SKAP1: variants seen among roughly 807,000 people sequenced by gnomAD.
The protein encoded by SKAP1 is src kinase associated phosphoprotein 1.
A neutral mutation model predicts 58.5 loss-of-function variants in SKAP1; 44 were observed. That is an observed-to-expected ratio of 0.75 (90% CI 0.59 to 0.97). The LOEUF is 0.97. Ranked by LOEUF, SKAP1 falls within the 50% of genes least tolerant of loss-of-function variation. The pLI is 0.00. For missense variants in SKAP1, 390 were observed against 435.2 expected, an observed-to-expected ratio of 0.90 and a Z score of 0.92; for synonymous variants, 127 against 149.7, an observed-to-expected ratio of 0.85 and a Z score of 1.11.
intron 4 of SKAP1, among the ~76,000 whole-genome samples, chr17:48,250,642 T>G (rs890704563): frequency 1.3e-5 from 2 of 152,086 alleles, no homozygotes; most frequent in African/African-American, 2.4e-5. Flanking sequence ...AGTCTAAATA[T>G]GCGATCTTCT....
chr17:48,384,210 C>T (rs937906559), intron 2 of SKAP1, among the ~76,000 whole-genome samples: 7 of 151,968 alleles, frequency 4.6e-5, no homozygotes, highest in African/African-American at 9.7e-5. Flanking sequence ...ACATTTAGAA[C>T]GAAGAATCAA....
chr17:48,356,311 A>G (rs2066875999), intron 3 of SKAP1, among the ~76,000 whole-genome samples: 1 of 152,144 alleles, frequency 6.6e-6, no homozygotes. Context: ...TGAAAACTTG[A>G]GTGGGTAAGA....
intron 8 of SKAP1, 69 bp from the exon 9 acceptor site, chr17:48,180,317 G>C: frequency 8.5e-7 from 1 of 1,180,460 alleles, no homozygotes; most frequent in Non-Finnish European, 1.2e-6. Context: ...AAGGAAAGAG[G>C]GAGAAGGAGG....
At chr17:48,396,009 C>A (rs959702592) in intron 2 of SKAP1, among the ~76,000 whole-genome samples, 5 of 152,190 alleles carry the variant, frequency 3.3e-5, no homozygotes, top group Admixed American at 3.3e-4. Flanking sequence ...TTTGAAAAGG[C>A]TAAAGGAACA....
At chr17:48,414,503 C>T (rs1377272480) in intron 1 of SKAP1, among the ~76,000 whole-genome samples, 1 of 152,160 alleles carries the variant, frequency 6.6e-6, no homozygotes, top group Non-Finnish European at 1.5e-5. Flanking sequence ...TAGCAATATA[C>T]AGTATTTTAT....
At chr17:48,407,195 T>G (rs2144569175) in intron 1 of SKAP1, among the ~76,000 whole-genome samples, 1 of 152,282 alleles carries the variant, frequency 6.6e-6, no homozygotes, top group Middle Eastern at 3.4e-3. Context: ...ACCAGCATCA[T>G]GGAGTGACAA....
chr17:48,349,089 T>C (rs2066761778), intron 3 of SKAP1, among the ~76,000 whole-genome samples: 1 of 152,232 alleles, frequency 6.6e-6, no homozygotes, highest in African/African-American at 2.4e-5. Flanking sequence ...TATAATACCA[T>C]ATAAATATAC....
intron 4 of SKAP1, among the ~76,000 whole-genome samples, chr17:48,339,069 C>A (rs1057217758): frequency 6.6e-6 from 1 of 152,178 alleles, no homozygotes. Flanking sequence ...CCACCAGGTT[C>A]ATGAAAGTGT....
intron 11 of SKAP1, among the ~76,000 whole-genome samples, chr17:48,140,352 A>C (rs1026191051): frequency 2.0e-5 from 3 of 151,778 alleles, no homozygotes; most frequent in African/African-American, 7.3e-5. Context: ...CTCTCCTTCT[A>C]CTTCTACTTC....
chr17:48,167,580 CT>C (rs1435586349), intron 10 of SKAP1, among the ~76,000 whole-genome samples: 1 of 152,050 alleles, frequency 6.6e-6, no homozygotes, highest in African/African-American at 2.4e-5. Context: ...TTTTTTGGCC[CT>C]CCTAAAAGCA....
intron 4 of SKAP1, among the ~76,000 whole-genome samples, chr17:48,265,257 G>A (rs2065531310): frequency 6.6e-6 from 1 of 152,120 alleles, no homozygotes; most frequent in East Asian, 1.9e-4. Flanking sequence ...TGTAATCCCA[G>A]CACTTTGGGA....
intron 11 of SKAP1, among the ~76,000 whole-genome samples, chr17:48,141,827 T>C (rs899575356): frequency 2.6e-5 from 4 of 152,206 alleles, no homozygotes; most frequent in African/African-American, 4.8e-5. Context: ...TCCCTCACCT[T>C]GGAACCTTTC....
At chr17:48,139,371 C>T (rs546207648) in intron 11 of SKAP1, among the ~76,000 whole-genome samples, 55 of 151,486 alleles carry the variant, frequency 3.6e-4, no homozygotes, top group Non-Finnish European at 1.5e-4. Context: ...TTAGTAGAGA[C>T]GGGGTTTCAC....
intron 4 of SKAP1, among the ~76,000 whole-genome samples, chr17:48,255,324 C>G (rs1435299745): frequency 6.6e-6 from 1 of 151,790 alleles, no homozygotes; most frequent in Non-Finnish European, 1.5e-5. Flanking sequence ...CTGGGTCTCC[C>G]ATTTTGCACT....
chr17:48,298,030 C>T (rs1295373683), intron 4 of SKAP1, among the ~76,000 whole-genome samples: 1 of 152,172 alleles, frequency 6.6e-6, no homozygotes, highest in Admixed American at 6.5e-5. Flanking sequence ...CAGCCACTCC[C>T]ACAGGGCTGA....
chr17:48,210,291 T>C (rs143454857), intron 4 of SKAP1, among the ~76,000 whole-genome samples: 15 of 152,306 alleles, frequency 9.8e-5, no homozygotes, highest in African/African-American at 3.6e-4. Flanking sequence ...TGTCTACTTT[T>C]TAAAAAAGTG....
At chr17:48,305,849 A>G (rs1276476680) in intron 4 of SKAP1, among the ~76,000 whole-genome samples, 1 of 152,126 alleles carries the variant, frequency 6.6e-6, no homozygotes, top group African/African-American at 2.4e-5. Context: ...CTTACATTAT[A>G]TTGCCTTTTT....
intron 4 of SKAP1, among the ~76,000 whole-genome samples, chr17:48,334,717 C>T (rs1460194509): frequency 6.6e-6 from 1 of 151,720 alleles, no homozygotes; most frequent in Admixed American, 6.6e-5. Context: ...TTTAAAAATA[C>T]ATACAAATTA....
chr17:48,418,846 C>T (rs2067762264), intron 1 of SKAP1, among the ~76,000 whole-genome samples: 1 of 152,100 alleles, frequency 6.6e-6, no homozygotes, highest in Non-Finnish European at 1.5e-5. Flanking sequence ...AAAGTACATA[C>T]TGATTGCATT....
Sources: gnomAD v4.1 joint callset for allele counts (sites outside exome capture counted in the v4.1 genomes callset) on GRCh38, gnomAD v4.1.1 for gene constraint, MANE v1.5 for transcripts, NCBI Gene and HGNC (gene_info 2026-07-23, HGNC 2026-07-21) for gene names.